The following VAV2 variants were observed in gnomAD, a reference collection of about 807,000 sequenced individuals.
The protein encoded by VAV2 is vav guanine nucleotide exchange factor 2, also known as guanine nucleotide exchange factor VAV2.
In VAV2, 67 loss-of-function variants were observed where a neutral mutation model predicts 132.5. The ratio of observed to expected loss-of-function variants is 0.51; its 90% CI spans 0.42 to 0.62. VAV2 has a LOEUF of 0.62. Among genes scored for constraint, VAV2 ranks in the 20% least tolerant of loss-of-function variants. VAV2 has a pLI of 0.00. For synonymous variants in VAV2, 492 were observed against 443.5 expected, an observed-to-expected ratio of 1.11 and a Z score of -1.37; for missense variants, 938 against 1,153.6, an observed-to-expected ratio of 0.81 and a Z score of 2.71.
intron 2 of VAV2, among the ~76,000 whole-genome samples, chr9:133,864,074 C>T (rs931247375): frequency 2.6e-5 from 4 of 152,128 alleles, no homozygotes; most frequent in African/African-American, 7.2e-5. Flanking sequence ...CAGCCCCAGC[C>T]GACTCTTCCG....
Position 133,769,590 on chromosome 9 carries a change from G to T in VAV2, c.2348-87C>A. 7.2e-7 allele frequency: 1 copy of T among 1,395,330 alleles called. No homozygotes were observed. The highest frequency in any genetic ancestry group is 9.8e-7 in the Non-Finnish European group (1 of 1,017,022). 86.4% of individuals were successfully genotyped at this position (1,395,330 alleles called of 1,614,324 possible). A position where few individuals can be genotyped will look rare whatever the true frequency, so the allele number is the denominator to read the frequency against. On this transcript the variant is annotated intron_variant, in intron 27 of 29. Coordinates refer to ENST00000371850, the MANE Select transcript of VAV2 (RefSeq NM_001134398.2). This position sits in a 1 kb window ranked among gnomAD's most constrained non-coding sequence, Gnocchi z 8.1. ...GGCACAGCTACAGGCCGGGGGGCATGGGGTGGGGCAGGCCCTTTGGCAGGA... is the reference window on the plus strand; with the variant it reads ...GGCACAGCTACAGGCCGGGGGGCATTGGGTGGGGCAGGCCCTTTGGCAGGA...
chr9:133,823,513 CA>C lies in VAV2; in HGVS notation c.449+10758del, dbSNP rs1454288981. On this transcript the variant is annotated intron_variant, in intron 4 of 29. Coordinates refer to ENST00000371850, the MANE Select transcript of VAV2 (RefSeq NM_001134398.2). The surrounding 1 kb of genome is among the most constrained non-coding windows in gnomAD (Gnocchi z 5.5). The stretch of plus-strand genomic sequence containing the variant: ...ATATTTCTTAAGTGCCACTGTGTGT[CA>C]GTCAGATCTACGCTGAATACAAGGG... Among the ~76,000 whole-genome samples the C allele has an allele frequency of 6.6e-6, 1 of 152,164 alleles. No individual in the cohort carries two copies. The highest frequency in any genetic ancestry group is 1.9e-4 in the East Asian group (1 of 5,196).
At chr9:133,979,473 C>T (rs1330677037) in intron 1 of VAV2, among the ~76,000 whole-genome samples, 1 of 152,166 alleles carries the variant, frequency 6.6e-6, no homozygotes, top group Non-Finnish European at 1.5e-5. Flanking sequence ...GAGGACGGCT[C>T]GGCTCCCAGG....
intron 2 of VAV2, among the ~76,000 whole-genome samples, chr9:133,927,289 G>T (rs1840513876): frequency 6.6e-6 from 1 of 152,194 alleles, no homozygotes; most frequent in Middle Eastern, 3.4e-3. Context: ...TGAGCCTCGG[G>T]ACCCTTCTCA....
Position 133,794,940 on chromosome 9 carries a change from A to AGGCAGGATG in VAV2, c.1101+719_1101+727dup, listed in dbSNP as rs1470046698. ...CTGGAAAACGTTCTGTCCACAGTGAAGGCAGGATGAGCAGGACGTGGCCAG... is the reference window on the plus strand; with the variant it reads ...CTGGAAAACGTTCTGTCCACAGTGAAGGCAGGATGGGCAGGATGAGCAGGACGTGGCCAG... On this transcript the variant is annotated intron_variant, in intron 12 of 29. Transcript: ENST00000371850. The surrounding 1 kb of genome is among the most constrained non-coding windows in gnomAD (Gnocchi z 4.6). Among the ~76,000 whole-genome samples the AGGCAGGATG allele has an allele frequency of 6.6e-6, 1 of 152,218 alleles. No homozygotes were observed. The highest frequency in any genetic ancestry group is 1.9e-4 in the East Asian group (1 of 5,196).
intron 1 of VAV2, among the ~76,000 whole-genome samples, chr9:133,963,380 G>A (rs998245889): frequency 6.6e-6 from 1 of 152,202 alleles, no homozygotes. Context: ...GAGGGCTGGG[G>A]GCACCCAGGG....
At position 133,807,394 on chromosome 9, in the gene VAV2, A is replaced by AGG. The variant is rs1835191606; in HGVS notation, c.667-70_667-69dup. The AGG allele has an allele frequency of 2.0e-5, 30 of 1,502,000 alleles. No homozygotes were observed. The East Asian group carries it at 7.0e-4, about 35-fold the overall frequency. The allele number at this position is 1,502,000 out of a possible 1,614,324, so 93.0% of individuals were successfully genotyped here. ...CCACCCTCTCAAGGTCACAGCTGCC[A>AGG]GGGGAGGGTCCCAGGGCAGCTCCGA... On this transcript the variant is annotated intron_variant, in intron 7 of 29. Coordinates refer to ENST00000371850, the MANE Select transcript of VAV2 (RefSeq NM_001134398.2).
intron 2 of VAV2, among the ~76,000 whole-genome samples, chr9:133,933,287 A>T (rs1400357962): frequency 2.0e-5 from 3 of 152,288 alleles, no homozygotes; most frequent in African/African-American, 7.2e-5. Flanking sequence ...ATTGCTCAGC[A>T]GCTAATCTGA....
At position 133,969,095 on chromosome 9, in the gene VAV2, C is replaced by T. The variant is rs1842241418; in HGVS notation, c.204+22980G>A. ...GGTGTCGGTGAAAGCCGTCTAGTTG[C>T]CTGAGATGAATCCCACATGCCGGGA... On this transcript the variant is annotated intron_variant, in intron 1 of 29. Transcript: ENST00000371850. The surrounding 1 kb of genome is among the most constrained non-coding windows in gnomAD (Gnocchi z 5.1). 6.6e-6 allele frequency among the ~76,000 whole-genome samples: 1 copy of T among 151,112 alleles called. No homozygotes were observed. The highest frequency in any genetic ancestry group is 1.5e-5 in the Non-Finnish European group (1 of 67,956).
chr9:133,981,642 T>C (rs1204301993), intron 1 of VAV2, among the ~76,000 whole-genome samples: 3 of 152,214 alleles, frequency 2.0e-5, no homozygotes, highest in Non-Finnish European at 4.4e-5. Flanking sequence ...GTCTGCAAGG[T>C]GGCCACCGTC....
intron 1 of VAV2, among the ~76,000 whole-genome samples, chr9:133,964,266 G>A (rs928248912): frequency 1.3e-5 from 2 of 150,608 alleles, no homozygotes; most frequent in Non-Finnish European, 3.0e-5. Context: ...GCTGAGGCAG[G>A]AAAATGGCTT....
rs528745776 is a variant in VAV2 at position 133,879,116 on chromosome 9, C to T, written c.322-17684G>A. On this transcript the variant is annotated intron_variant, in intron 2 of 29. Transcript: ENST00000371850. This position sits in a 1 kb window ranked among gnomAD's most constrained non-coding sequence, Gnocchi z 4.4. ...AGGGGACCGGGCCGGGCTTGTGCTG[C>T]TGAACCTGGCTCTGGACCCCGTCTC... Among the ~76,000 whole-genome samples, 2 of 152,198 alleles carry T rather than the reference C, an allele frequency of 1.3e-5. No homozygotes were observed. The highest frequency in any genetic ancestry group is 2.9e-5 in the Non-Finnish European group (2 of 68,026).
chr9:133,907,472 A>G (rs1839700235), intron 2 of VAV2, among the ~76,000 whole-genome samples: 1 of 152,218 alleles, frequency 6.6e-6, no homozygotes, highest in Admixed American at 6.5e-5. Context: ...TGGCCTGGAG[A>G]CAGAATCAGG....
In VAV2 at chr9:133,939,118, C is replaced by G. The variant is rs759997991; in HGVS notation, c.306G>C (p.Val102=). The G allele has an allele frequency of 9.8e-5, 158 of 1,614,186 alleles. No homozygotes were observed. In the South Asian group the frequency reaches 1.7e-3, roughly 17 times the overall value. The change falls in exon 2 of 30, where the codon GTG becomes GTC. Residue 102 remains valine, a synonymous_variant. Coordinates refer to ENST00000371850, the MANE Select transcript of VAV2 (RefSeq NM_001134398.2). ...GACTGCTCACCTTTCCAAAGTCTCGCACATCGAAGAGGTCAAAGGGGTCAA... is the reference window on the plus strand; with the variant it reads ...GACTGCTCACCTTTCCAAAGTCTCGGACATCGAAGAGGTCAAAGGGGTCAA... ...ELFDPFDLFD[V]RDFGKVISAV... is the part of the protein sequence containing the mutation.
intron 1 of VAV2, among the ~76,000 whole-genome samples, chr9:133,955,992 G>A (rs187591468): frequency 6.6e-6 from 1 of 151,114 alleles, no homozygotes; most frequent in East Asian, 2.0e-4. Context: ...GCACCTCACT[G>A]CCCATCTGCT....
At chr9:133,766,759 A>T (rs9409860) in intron 29 of VAV2, among the ~76,000 whole-genome samples, 107 of 112,104 alleles carry the variant, frequency 9.5e-4, no homozygotes, top group Admixed American at 4.1e-3. Context: ...AGTATAAATA[A>T]ATATATATAT....
intron 2 of VAV2, among the ~76,000 whole-genome samples, chr9:133,922,444 G>T (rs117008537): frequency 0.014 from 2,174 of 152,352 alleles, 27 homozygotes; most frequent in Middle Eastern, 0.031. Context: ...ACAGTGAGCA[G>T]CTGACCTGGT....
At chr9:133,973,956 G>A (rs187912418) in intron 1 of VAV2, among the ~76,000 whole-genome samples, 17 of 152,318 alleles carry the variant, frequency 1.1e-4, no homozygotes, top group South Asian at 2.1e-4. Context: ...GGATCCAGCA[G>A]GTCAGAGTCC....
intron 25 of VAV2, 30 bp downstream of exon 25, chr9:133,774,905 G>A: frequency 6.3e-7 from 1 of 1,587,664 alleles, no homozygotes; most frequent in Non-Finnish European, 8.6e-7. Context: ...TTGGGGGATG[G>A]GTCTCCTCGA....
Sources: gnomAD v4.1 joint callset for allele counts (sites outside exome capture counted in the v4.1 genomes callset) on GRCh38, gnomAD v4.1.1 for gene constraint, Gnocchi (gnomAD v3.1) non-coding constraint, MANE v1.5 for transcripts, NCBI Gene and HGNC (gene_info 2026-07-23, HGNC 2026-07-21) for gene names.